NKAIN3: variants seen among roughly 807,000 people sequenced by gnomAD.
NKAIN3 encodes sodium/potassium transporting ATPase interacting 3.
In NKAIN3, 25 loss-of-function variants were observed where a neutral mutation model predicts 30.2. That is an observed-to-expected ratio of 0.83 (90% confidence interval 0.60 to 1.16). The LOEUF (loss-of-function observed/expected upper bound fraction) is 1.16. NKAIN3 is among the 50% of genes most tolerant of loss of function. The pLI, the probability that NKAIN3 is intolerant of heterozygous loss-of-function variation, is 0.00. For synonymous variants in NKAIN3, 91 were observed against 89.6 expected, an observed-to-expected ratio of 1.02 and a Z score of -0.09; for missense variants, 225 against 254.1, an observed-to-expected ratio of 0.89 and a Z score of 0.78.
intron 1 of NKAIN3, among the ~76,000 whole-genome samples, chr8:62,517,277 G>A (rs998459582): frequency 3.3e-5 from 5 of 152,024 alleles, no homozygotes; most frequent in Admixed American, 1.3e-4. Context: ...GTATTAATAA[G>A]AATAGTATAA....
chr8:62,405,776 A>C (rs1008332849), intron 1 of NKAIN3, among the ~76,000 whole-genome samples: 2 of 152,044 alleles, frequency 1.3e-5, no homozygotes, highest in African/African-American at 2.4e-5. Flanking sequence ...TAGTTGTCCA[A>C]TTTGGTGTTC....
Position 62,784,149 on chromosome 8 carries a change from T to C in NKAIN3, c.471+37020T>C, listed in dbSNP as rs74412928. ...GCTAACACAGTTATGAGAGGTAAATTGACAGTTATAAATGGACATATTAGA... is the reference window on the plus strand; with the variant it reads ...GCTAACACAGTTATGAGAGGTAAATCGACAGTTATAAATGGACATATTAGA... On this transcript the variant is annotated intron_variant, in intron 4 of 6. Transcript: ENST00000623646. Among the ~76,000 whole-genome samples the C allele has an allele frequency of 6.7e-4, 102 of 152,114 alleles. 1 individual carries two copies. The Middle Eastern group carries it at 0.01, about 15-fold the overall frequency.
At chr8:62,290,412 G>C (rs879208148) in intron 1 of NKAIN3, among the ~76,000 whole-genome samples, 1 of 152,106 alleles carries the variant, frequency 6.6e-6, no homozygotes. Flanking sequence ...TTTGAGATAC[G>C]TCCCAGCGAT....
At chr8:62,898,516 C>T (rs1821507176) in intron 4 of NKAIN3, among the ~76,000 whole-genome samples, 1 of 151,946 alleles carries the variant, frequency 6.6e-6, no homozygotes, top group Non-Finnish European at 1.5e-5. Context: ...TATGGGTACA[C>T]GAAGGGATAC....
At chr8:62,342,627 G>C (rs1019008780) in intron 1 of NKAIN3, among the ~76,000 whole-genome samples, 1 of 152,046 alleles carries the variant, frequency 6.6e-6, no homozygotes, top group Non-Finnish European at 1.5e-5. Context: ...TAGGGCTCTT[G>C]ATGTTTCTCA....
chr8:62,769,197 A>G (rs921546282), intron 4 of NKAIN3, among the ~76,000 whole-genome samples: 4 of 152,168 alleles, frequency 2.6e-5, no homozygotes, highest in African/African-American at 9.7e-5. Flanking sequence ...TATTGCAAAG[A>G]AAGTTCTTAA....
At chr8:62,598,838 G>A (rs546537480) in intron 3 of NKAIN3, among the ~76,000 whole-genome samples, 1 of 151,988 alleles carries the variant, frequency 6.6e-6, no homozygotes, top group Non-Finnish European at 1.5e-5. Context: ...TGTCAGAAAG[G>A]CACAGCTGAG....
chr8:62,790,698 C>A (rs1293285319), intron 4 of NKAIN3, among the ~76,000 whole-genome samples: 3 of 145,162 alleles, frequency 2.1e-5, no homozygotes, highest in African/African-American at 7.9e-5. Flanking sequence ...ACTGGGGATA[C>A]ACAGAAAACA....
At chr8:62,476,925 G>C (rs1194815259) in intron 1 of NKAIN3, among the ~76,000 whole-genome samples, 1 of 152,170 alleles carries the variant, frequency 6.6e-6, no homozygotes, top group Non-Finnish European at 1.5e-5. Flanking sequence ...GTGACACCAA[G>C]ACAGGGGAAA....
chr8:62,918,316 A>T, intron 4 of NKAIN3, 137 bp from the exon 5 acceptor site: 1 of 683,744 alleles, frequency 1.5e-6, no homozygotes, highest in Non-Finnish European at 2.6e-6. Context: ...AATCACAGCT[A>T]TCATTTTAAA....
intron 3 of NKAIN3, among the ~76,000 whole-genome samples, chr8:62,744,115 AAAG>A (rs750080808): frequency 1.2e-4 from 18 of 152,242 alleles, no homozygotes; most frequent in Non-Finnish European, 1.9e-4. Context: ...AAAGCAGGAG[AAAG>A]AAGGGCAGAA....
chr8:62,780,472 G>C (rs886263002), intron 4 of NKAIN3, among the ~76,000 whole-genome samples: 1 of 151,888 alleles, frequency 6.6e-6, no homozygotes, highest in Non-Finnish European at 1.5e-5. Flanking sequence ...ACCCAGACAA[G>C]GACACAGCAA....
At position 62,993,233 on chromosome 8, in the gene NKAIN3, C is replaced by A. The variant is rs181923423; in HGVS notation, c.533-5998C>A. On this transcript the variant is annotated intron_variant, in intron 5 of 5. Coordinates refer to the NKAIN3 transcript ENST00000519049. ...AGGAAAGCAGAAAAACAGGATCTAGCTGTGGCCCAAAAAGAAAAGGAAATA... is the reference window on the plus strand; with the variant it reads ...AGGAAAGCAGAAAAACAGGATCTAGATGTGGCCCAAAAAGAAAAGGAAATA... 3.3e-3 allele frequency among the ~76,000 whole-genome samples: 496 copies of A among 152,238 alleles called. 1 individual carries two copies. The highest frequency in any genetic ancestry group is 5.0e-3 in the Non-Finnish European group (340 of 68,012).
intron 1 of NKAIN3, among the ~76,000 whole-genome samples, chr8:62,571,990 G>T (rs1809957528): frequency 6.6e-6 from 1 of 152,138 alleles, no homozygotes; most frequent in Non-Finnish European, 1.5e-5. Flanking sequence ...TTGTCTTGGG[G>T]ATTAACATTG....
chr8:62,484,588 A>C (rs1468453877), intron 1 of NKAIN3, among the ~76,000 whole-genome samples: 1 of 152,184 alleles, frequency 6.6e-6, no homozygotes, highest in Admixed American at 6.5e-5. Flanking sequence ...TTCGTTTACA[A>C]ACTTTCCAAT....
rs141677506 is a variant in NKAIN3 at position 62,424,214 on chromosome 8, A to G, written c.55-155325A>G. ...TAAGACCTGAAACTGTAAAACCACT[A>G]GAAGAAAATTTAGAGGAAAGCTCCA... On this transcript the variant is annotated intron_variant, in intron 1 of 6. Transcript: ENST00000623646. Among the ~76,000 whole-genome samples the G allele has an allele frequency of 2.6e-5, 4 of 152,168 alleles. No homozygotes were observed. The East Asian group carries it at 5.8e-4, about 22-fold the overall frequency.
chr8:62,587,416 T>A (rs58130548), intron 2 of NKAIN3, among the ~76,000 whole-genome samples: 3,034 of 152,072 alleles, frequency 0.02, 113 homozygotes, highest in African/African-American at 0.07. Context: ...CTAAAGATAC[T>A]GTCATTCTAA....
intron 3 of NKAIN3, among the ~76,000 whole-genome samples, chr8:62,679,550 A>C (rs558338581): frequency 1.3e-5 from 2 of 152,320 alleles, no homozygotes; most frequent in African/African-American, 4.8e-5. Context: ...TAATTGGCTC[A>C]TGGTTCCATA....
chr8:62,483,511 C>T, intron 1 of NKAIN3: 1 of 165,670 alleles, frequency 6.0e-6, no homozygotes, highest in Non-Finnish European at 1.3e-5. Flanking sequence ...TGTGGTCATC[C>T]CTGGTTGCTG....
Sources: allele counts gnomAD v4.1 joint callset (sites outside exome capture counted in the v4.1 genomes callset), GRCh38; gene constraint gnomAD v4.1.1; transcripts MANE v1.5; gene names NCBI Gene and HGNC (gene_info 2026-07-23, HGNC 2026-07-21).